Variants in OR9Q1 observed in about 807,000 individuals in gnomAD.
OR9Q1 encodes olfactory receptor 9Q1.
For missense variants in OR9Q1, 374 were observed against 378.8 expected, an observed-to-expected ratio of 0.99 and a Z score of 0.11; for synonymous variants, 153 against 148.6, an observed-to-expected ratio of 1.03 and a Z score of -0.22.
chr11:58,095,863 A>G (rs975965704), intron 2 of OR9Q1, among the ~76,000 whole-genome samples: 16 of 152,200 alleles, frequency 1.1e-4, no homozygotes, highest in African/African-American at 3.9e-4. Flanking sequence ...GATATGATTG[A>G]TTTGTCATTT....
At chr11:58,128,598 T>A (rs1854111934) in intron 2 of OR9Q1, among the ~76,000 whole-genome samples, 2 of 152,144 alleles carry the variant, frequency 1.3e-5, no homozygotes, top group Non-Finnish European at 2.9e-5. Context: ...TGAATCTTTG[T>A]CACTTTGTCA....
chr11:58,166,513 G>T (rs1000342392), intron 2 of OR9Q1, among the ~76,000 whole-genome samples: 4 of 152,028 alleles, frequency 2.6e-5, no homozygotes, highest in Non-Finnish European at 5.9e-5. Flanking sequence ...TCTTATTAAA[G>T]GCTGCAGATT....
chr11:58,031,809 C>T (rs142616437), intron 1 of OR9Q1: 17,237 of 1,613,920 alleles, frequency 0.011, 110 homozygotes, highest in Non-Finnish European at 0.013. Flanking sequence ...TCTGTTGTCA[C>T]GCCCATGCTC....
At chr11:58,149,272 A>G (rs1565090737) in intron 2 of OR9Q1, among the ~76,000 whole-genome samples, 1 of 152,156 alleles carries the variant, frequency 6.6e-6, no homozygotes, top group Non-Finnish European at 1.5e-5. Context: ...TCATTAATTC[A>G]ATAAATTAGC....
intron 1 of OR9Q1, chr11:58,031,431 C>G: frequency 6.2e-7 from 1 of 1,614,066 alleles, no homozygotes; most frequent in Non-Finnish European, 8.5e-7. Context: ...TTCCTCACAC[C>G]CATCTTGCCA....
chr11:58,032,320 A>C (rs1179147574), intron 1 of OR9Q1, among the ~76,000 whole-genome samples: 2 of 152,234 alleles, frequency 1.3e-5, no homozygotes, highest in Non-Finnish European at 2.9e-5. Flanking sequence ...AAGCAAAAAA[A>C]ACCAAAAAAA....
At chr11:58,105,840 A>C (rs890291203) in intron 2 of OR9Q1, among the ~76,000 whole-genome samples, 1 of 151,888 alleles carries the variant, frequency 6.6e-6, no homozygotes, top group Non-Finnish European at 1.5e-5. Context: ...TTTTTTGTCT[A>C]TACCACATTT....
intron 2 of OR9Q1, among the ~76,000 whole-genome samples, chr11:58,169,341 C>A (rs2119943578): frequency 6.6e-6 from 1 of 152,220 alleles, no homozygotes; most frequent in South Asian, 2.1e-4. Context: ...TGTTTTTAAG[C>A]TCAAATAAAT....
intron 1 of OR9Q1, among the ~76,000 whole-genome samples, chr11:58,053,730 T>G (rs1312257373): frequency 1.5e-5 from 2 of 137,494 alleles, no homozygotes; most frequent in Non-Finnish European, 3.3e-5. Flanking sequence ...ATCTTTTCAG[T>G]GTATTCTAAC....
intron 2 of OR9Q1, among the ~76,000 whole-genome samples, chr11:58,176,417 A>G (rs1173866046): frequency 6.6e-6 from 1 of 152,138 alleles, no homozygotes; most frequent in Non-Finnish European, 1.5e-5. Context: ...CTTAGAGAAC[A>G]CTTTAGCCAT....
intron 1 of OR9Q1, among the ~76,000 whole-genome samples, chr11:58,053,261 T>C (rs916605477): frequency 6.6e-6 from 1 of 151,784 alleles, no homozygotes; most frequent in Non-Finnish European, 1.5e-5. Flanking sequence ...TGGAATACTA[T>C]GTAGCCATAA....
intron 2 of OR9Q1, among the ~76,000 whole-genome samples, chr11:58,056,674 T>C: frequency 6.6e-6 from 1 of 152,222 alleles, no homozygotes; most frequent in Non-Finnish European, 1.5e-5. Context: ...TTTGAAAATC[T>C]GAAAACATTT....
At chr11:58,053,632 A>ATATATATTATATATATAT (rs1554965508) in intron 1 of OR9Q1, among the ~76,000 whole-genome samples, 4 of 118,684 alleles carry the variant, frequency 3.4e-5, no homozygotes, top group Non-Finnish European at 7.0e-5. Context: ...TATATAAAAT[A>ATATATATTATATATATAT]TATATATATA....
chr11:58,172,658 T>C (rs552392908), intron 2 of OR9Q1, among the ~76,000 whole-genome samples: 1 of 152,252 alleles, frequency 6.6e-6, no homozygotes, highest in South Asian at 2.1e-4. Flanking sequence ...CCAGAACTCA[T>C]ACTTGTAAGA....
At chr11:58,057,500 G>A (rs1023797342) in intron 2 of OR9Q1, among the ~76,000 whole-genome samples, 10 of 152,094 alleles carry the variant, frequency 6.6e-5, no homozygotes, top group African/African-American at 2.4e-4. Flanking sequence ...CTGACTACGA[G>A]GAAAACACCA....
rs573061454 is a variant in OR9Q1 at position 58,086,216 on chromosome 11, T to C, written c.-15+30269T>C. On this transcript the variant is annotated intron_variant, in intron 2 of 2. Coordinates refer to ENST00000335397, the MANE Select transcript of OR9Q1 (RefSeq NM_001005212.4). ...CATGGACAAAGGACCGAAATATACATTTCTCAAAAGAAGACATACAAATGA... is the reference window on the plus strand; with the variant it reads ...CATGGACAAAGGACCGAAATATACACTTCTCAAAAGAAGACATACAAATGA... 3.3e-5 allele frequency among the ~76,000 whole-genome samples: 5 copies of C among 151,976 alleles called. No individual in the cohort carries two copies. In the South Asian group the frequency reaches 1.0e-3, roughly 32 times the overall value.
At chr11:58,153,895 G>T (rs1854378658) in intron 2 of OR9Q1, among the ~76,000 whole-genome samples, 1 of 152,158 alleles carries the variant, frequency 6.6e-6, no homozygotes, top group African/African-American at 2.4e-5. Flanking sequence ...TTGAGGGAAG[G>T]AAGGCTTTCT....
Position 58,101,970 on chromosome 11 carries a change from TC to T in OR9Q1, c.-15+46027del, listed in dbSNP as rs1230213443. Reference sequence around the variant, plus strand: ...CATGTTGGTGAGGCTGGTCTCAAACTCCCCACCTCAGGTGATCCACCCCCCT... The same window carrying T: ...CATGTTGGTGAGGCTGGTCTCAAACTCCCACCTCAGGTGATCCACCCCCCT... On this transcript the variant is annotated intron_variant, in intron 2 of 2. Transcript: ENST00000335397. Among the ~76,000 whole-genome samples the T allele has an allele frequency of 2.0e-4, 30 of 152,100 alleles. 1 individual carries two copies. Among genetic ancestry groups the T allele is most frequent in the Admixed American group, 1.9e-3 (29 of 15,242 alleles).
intron 2 of OR9Q1, among the ~76,000 whole-genome samples, chr11:58,126,886 T>C (rs1451149289): frequency 6.6e-6 from 1 of 152,148 alleles, no homozygotes; most frequent in Non-Finnish European, 1.5e-5. Flanking sequence ...TTTTGACACA[T>C]TGGGGGATCT....
Sources: gnomAD v4.1 joint callset for allele counts (sites outside exome capture counted in the v4.1 genomes callset) on GRCh38, gnomAD v4.1.1 for gene constraint, MANE v1.5 for transcripts, NCBI Gene and HGNC (gene_info 2026-07-23, HGNC 2026-07-21) for gene names.